CNTNAP4: variants seen among roughly 807,000 people sequenced by gnomAD.
The protein encoded by CNTNAP4 is contactin-associated protein-like 4.
Under a neutral mutation model 148.4 loss-of-function variants are expected in CNTNAP4, and 98 were observed. The observed-to-expected ratio is 0.66, with a 90% CI of 0.56 to 0.78. The LOEUF is 0.78. CNTNAP4 is among the 30% of genes least tolerant of loss of function. CNTNAP4 has a pLI of 0.00. For missense variants in CNTNAP4, 1,935 were observed against 1,565.6 expected, an observed-to-expected ratio of 1.24 and a Z score of -3.98; for synonymous variants, 730 against 565.1, an observed-to-expected ratio of 1.29 and a Z score of -4.14.
At chr16:76,517,980 ATTGAC>A (rs2083311838) in intron 15 of CNTNAP4, among the ~76,000 whole-genome samples, 1 of 152,176 alleles carries the variant, frequency 6.6e-6, no homozygotes, top group African/African-American at 2.4e-5. Flanking sequence ...ATTTTCCTAA[ATTGAC>A]TTCATTTTTA....
intron 2 of CNTNAP4, among the ~76,000 whole-genome samples, chr16:76,326,869 C>T (rs1230835188): frequency 6.6e-6 from 1 of 151,880 alleles, no homozygotes; most frequent in East Asian, 1.9e-4. Context: ...TTAATGTGTG[C>T]AGCACACCAA....
At chr16:76,470,022 C>T (rs1017648900) in intron 10 of CNTNAP4, among the ~76,000 whole-genome samples, 3 of 152,104 alleles carry the variant, frequency 2.0e-5, no homozygotes, top group African/African-American at 7.2e-5. Context: ...GTGTACCAGG[C>T]CTTATGCTAA....
chr16:76,286,069 TGGTATTTTAAAATCTGCTGGTCAG>T (rs944854010), intron 1 of CNTNAP4, among the ~76,000 whole-genome samples: 4 of 152,102 alleles, frequency 2.6e-5, no homozygotes, highest in African/African-American at 7.2e-5. Flanking sequence ...TACTATGTAT[TGGTATTTTAAAATCTGCTGGTCAG>T]CTGACGACTG....
intron 5 of CNTNAP4, 46 bp downstream of exon 5, chr16:76,448,261 T>C (rs781593174): frequency 3.0e-6 from 4 of 1,332,182 alleles, no homozygotes; most frequent in Non-Finnish European, 4.2e-6. Flanking sequence ...TATTTAGATA[T>C]CACCTAAGTC....
chr16:76,302,613 C>T (rs1431083022), intron 1 of CNTNAP4, among the ~76,000 whole-genome samples: 2 of 152,092 alleles, frequency 1.3e-5, no homozygotes, highest in Non-Finnish European at 2.9e-5. Flanking sequence ...CAGGATAATA[C>T]CCTTTTTAGG....
At chr16:76,339,147 C>G (rs1180746449) in intron 2 of CNTNAP4, among the ~76,000 whole-genome samples, 1 of 151,904 alleles carries the variant, frequency 6.6e-6, no homozygotes, top group Non-Finnish European at 1.5e-5. Context: ...ATTCTATATG[C>G]TTTGCTATGA....
At chr16:76,490,373 C>G (rs2082171661) in intron 13 of CNTNAP4, among the ~76,000 whole-genome samples, 1 of 152,160 alleles carries the variant, frequency 6.6e-6, no homozygotes, top group African/African-American at 2.4e-5. Flanking sequence ...TTCACTAGTT[C>G]AAGGAGGAAT....
chr16:76,335,460 G>A (rs1963938099), intron 2 of CNTNAP4, among the ~76,000 whole-genome samples: 1 of 152,156 alleles, frequency 6.6e-6, no homozygotes, highest in Non-Finnish European at 1.5e-5. Context: ...AGATGAGCAG[G>A]CAGAAGGCAT....
intron 4 of CNTNAP4, among the ~76,000 whole-genome samples, chr16:76,429,069 G>A (rs1271143556): frequency 6.6e-6 from 1 of 152,150 alleles, no homozygotes; most frequent in African/African-American, 2.4e-5. Context: ...AGATGAGTCA[G>A]TGGCCAACTA....
In CNTNAP4 at chr16:76,535,595, C is replaced by A. The variant is rs746497223; in HGVS notation, c.2806C>A (p.Gln936Lys). 4.3e-6 allele frequency: 7 copies of A among 1,613,032 alleles called. No individual in the cohort carries two copies. The Admixed American group carries it at 1.0e-4, about 23-fold the overall frequency. The change falls in exon 18 of 24, where the codon CAG (glutamine) becomes AAG (lysine). Residue 936 changes from glutamine (Q) to lysine (K), a missense_variant. Physicochemically the swap from Gln to Lys is moderately conservative, Grantham distance 53. Transcript: ENST00000611870. ...CTTTCTGGGCTGCATTCGGTCTCTG[C>A]AGTTGAATGGGATGACCCTGGATTT... ...RGFLGCIRSL[Q>K]LNGMTLDLEE... is the part of the protein sequence containing the mutation.
At chr16:76,325,110 A>G (rs578096162) in intron 2 of CNTNAP4, among the ~76,000 whole-genome samples, 5 of 152,342 alleles carry the variant, frequency 3.3e-5, no homozygotes, top group African/African-American at 9.6e-5. Flanking sequence ...ACCAAATAAC[A>G]GAGTTTTAAA....
intron 17 of CNTNAP4, among the ~76,000 whole-genome samples, chr16:76,531,909 G>A (rs560942474): frequency 1.3e-5 from 2 of 152,236 alleles, no homozygotes; most frequent in South Asian, 4.1e-4. Flanking sequence ...AAGATGTCAT[G>A]TTTTTAAAGT....
At position 76,449,745 on chromosome 16, in the gene CNTNAP4, A is replaced by C; in HGVS notation, c.958A>C (p.Lys320Gln). Residue 320 changes from lysine (K) to glutamine (Q), a missense_variant, in exon 7 of 24, where the codon AAA becomes CAA. By Grantham distance (53) the Lys-to-Gln change is moderately conservative (BLOSUM62 1). Transcript: ENST00000611870. ...ISFGGIPAPG[K>Q]SVSFPHRNFH... ...CTTTGGAGGGATTCCAGCACCTGGA[A>C]AATCAGTGTCATTCCCACATAGAAA... is the stretch of plus-strand genomic sequence containing the variant. 1.9e-6 allele frequency: 3 copies of C among 1,595,504 alleles called. No individual in the cohort carries two copies. The highest frequency in any genetic ancestry group is 2.6e-6 in the Non-Finnish European group (3 of 1,169,962).
rs1223119887 is a variant in CNTNAP4 at position 76,560,305 on chromosome 16, C to G, written c.*1622C>G. 6.6e-6 allele frequency among the ~76,000 whole-genome samples: 1 copy of G among 152,124 alleles called. No homozygotes were observed. Among genetic ancestry groups the G allele is most frequent in the Non-Finnish European group, 1.5e-5 (1 of 68,020 alleles). On this transcript the variant is annotated 3_prime_UTR_variant, in exon 24 of 24. Coordinates refer to ENST00000611870, the MANE Select transcript of CNTNAP4 (RefSeq NM_033401.5). ...TGTTAACTCTTCTTATAAAACCTGCCTCTCTTTTCTCATAGCACTATATCC... is the reference window on the plus strand; with the variant it reads ...TGTTAACTCTTCTTATAAAACCTGCGTCTCTTTTCTCATAGCACTATATCC...
At chr16:76,309,776 C>G (rs1041797999) in intron 1 of CNTNAP4, 3 of 691,184 alleles carry the variant, frequency 4.3e-6, no homozygotes, top group Non-Finnish European at 7.9e-6. Context: ...CGGGCTTTCC[C>G]GTGCTATTCT....
chr16:76,549,275 G>T (rs1211116246), intron 21 of CNTNAP4, among the ~76,000 whole-genome samples: 2 of 152,160 alleles, frequency 1.3e-5, no homozygotes, highest in Non-Finnish European at 2.9e-5. Context: ...CATTTTCTCT[G>T]TTTCTCAAGG....
chr16:76,296,296 G>A lies in CNTNAP4; in HGVS notation c.85+18549G>A, dbSNP rs1234636830. Among the ~76,000 whole-genome samples, 8 of 152,098 alleles carry A rather than the reference G, an allele frequency of 5.3e-5. 1 individual carries two copies. Among genetic ancestry groups the A allele is most frequent in the Non-Finnish European group, 1.0e-4 (7 of 68,020 alleles). On this transcript the variant is annotated intron_variant, in intron 1 of 23. Transcript: ENST00000611870. Reference sequence around the variant, plus strand: ...ACACAGAGCATTATAATGTTTTCCTGCCTTCCATTCAAATACCTACCTCCA... The same window carrying A: ...ACACAGAGCATTATAATGTTTTCCTACCTTCCATTCAAATACCTACCTCCA...
chr16:76,428,621 G>A (rs77405645), intron 4 of CNTNAP4, among the ~76,000 whole-genome samples: 5 of 152,012 alleles, frequency 3.3e-5, no homozygotes, highest in Non-Finnish European at 5.9e-5. Context: ...CATGGTTTGC[G>A]TGGGTACTCT....
chr16:76,446,563 AAGT>A (rs1357467839), intron 4 of CNTNAP4, among the ~76,000 whole-genome samples: 4 of 152,206 alleles, frequency 2.6e-5, no homozygotes, highest in African/African-American at 9.6e-5. Flanking sequence ...TTTTGACAAT[AAGT>A]AGATAAGACA....
Sources: gnomAD v4.1 joint callset for allele counts (sites outside exome capture counted in the v4.1 genomes callset) on GRCh38, gnomAD v4.1.1 for gene constraint, MANE v1.5 for transcripts, NCBI Gene and HGNC (gene_info 2026-07-23, HGNC 2026-07-21) for gene names.